ARHGAP10: variants seen among roughly 807,000 people sequenced by gnomAD.
The protein encoded by ARHGAP10 is Rho GTPase activating protein 10.
Under a neutral mutation model 108.6 loss-of-function variants are expected in ARHGAP10, and 87 were observed. The ratio of observed to expected loss-of-function variants is 0.80; its 90% confidence interval spans 0.67 to 0.96. ARHGAP10 has a LOEUF of 0.96. ARHGAP10 is among the 40% of genes least tolerant of loss of function. The pLI is 0.00. For missense variants in ARHGAP10, 939 were observed against 954.5 expected, an observed-to-expected ratio of 0.98 and a Z score of 0.21; for synonymous variants, 347 against 341.1, an observed-to-expected ratio of 1.02 and a Z score of -0.19.
chr4:147,879,631 A>G (rs553361219), intron 9 of ARHGAP10, among the ~76,000 whole-genome samples: 78 of 151,610 alleles, frequency 5.1e-4, no homozygotes, highest in African/African-American at 1.7e-3. Context: ...TGTCATGGTG[A>G]TTTGCTGCAC....
intron 1 of ARHGAP10, among the ~76,000 whole-genome samples, chr4:147,783,002 TA>T (rs1209089970): frequency 7.4e-6 from 1 of 135,206 alleles, no homozygotes; most frequent in Non-Finnish European, 1.6e-5. Context: ...ATATATTATA[TA>T]AATTATATAC....
intron 15 of ARHGAP10, among the ~76,000 whole-genome samples, chr4:147,949,747 C>T (rs1215124639): frequency 6.6e-6 from 1 of 152,184 alleles, no homozygotes; most frequent in Admixed American, 6.5e-5. Flanking sequence ...TTAGTAGACT[C>T]ATAGCTAGTG....
At chr4:148,046,417 C>A (rs1293548660) in intron 19 of ARHGAP10, among the ~76,000 whole-genome samples, 4 of 152,134 alleles carry the variant, frequency 2.6e-5, no homozygotes, top group African/African-American at 9.7e-5. Context: ...AAATTATAAT[C>A]CAAGATACCA....
chr4:147,869,921 T>G (rs887399783), intron 7 of ARHGAP10, among the ~76,000 whole-genome samples: 4 of 152,256 alleles, frequency 2.6e-5, no homozygotes, highest in South Asian at 2.1e-4. Flanking sequence ...ATCTCATTCC[T>G]TGATGTCAGT....
intron 10 of ARHGAP10, among the ~76,000 whole-genome samples, chr4:147,902,316 CTGTTCCCCT>C (rs1560817981): frequency 1.3e-5 from 2 of 152,226 alleles, no homozygotes; most frequent in Admixed American, 1.3e-4. Flanking sequence ...CCTGATCTGG[CTGTTCCCCT>C]ACTAAAAACC....
chr4:147,909,914 C>T lies in ARHGAP10; in HGVS notation c.1162+137C>T, dbSNP rs148826925. ...ACAGAGGGGTATTACACGTAATAAT[C>T]CTCTATTGCATGTGTTCTGTTTTAC... On this transcript the variant is annotated intron_variant, in intron 12 of 22. Transcript: ENST00000336498. 9.8e-3 allele frequency: 7,987 copies of T among 812,462 alleles called. 99 individuals are homozygous for T. Among genetic ancestry groups the T allele is most frequent in the Non-Finnish European group, 0.011 (5,495 of 508,646 alleles). 50.3% of individuals were successfully genotyped at this position (812,462 alleles called of 1,614,324 possible). A position where few individuals can be genotyped will look rare whatever the true frequency, so the allele number is the denominator to read the frequency against.
intron 1 of ARHGAP10, among the ~76,000 whole-genome samples, chr4:147,811,591 A>T (rs964471368): frequency 2.0e-3 from 279 of 137,692 alleles, no homozygotes; most frequent in African/African-American, 6.2e-3. Flanking sequence ...GGCTTTTTTT[A>T]AAAAAAAAAA....
At chr4:147,744,598 G>A (rs1386454657) in intron 1 of ARHGAP10, among the ~76,000 whole-genome samples, 2 of 152,074 alleles carry the variant, frequency 1.3e-5, no homozygotes, top group Admixed American at 1.3e-4. Context: ...GGTGGCAGAA[G>A]AGGAGTCAAG....
At chr4:147,785,664 A>G (rs970606231) in intron 1 of ARHGAP10, among the ~76,000 whole-genome samples, 1 of 152,148 alleles carries the variant, frequency 6.6e-6, no homozygotes. Context: ...TGAAAATACT[A>G]AGCTGCTTGA....
chr4:148,013,560 C>T (rs958456971), intron 18 of ARHGAP10, among the ~76,000 whole-genome samples: 5 of 152,092 alleles, frequency 3.3e-5, no homozygotes, highest in South Asian at 4.2e-4. Context: ...TGGTGGCGGG[C>T]GCCTGTAGTC....
At chr4:148,023,999 A>T (rs903402955) in intron 19 of ARHGAP10, among the ~76,000 whole-genome samples, 1 of 152,246 alleles carries the variant, frequency 6.6e-6, no homozygotes, top group African/African-American at 2.4e-5. Flanking sequence ...TGTTCAGCTA[A>T]TCGTTGCCAC....
intron 1 of ARHGAP10, among the ~76,000 whole-genome samples, chr4:147,811,108 G>T (rs759666369): frequency 1.9e-4 from 29 of 152,196 alleles, no homozygotes; most frequent in Middle Eastern, 3.4e-3. Flanking sequence ...TTCATTTTCA[G>T]TGTTCTGCTA....
chr4:147,737,867 G>A (rs767539101), intron 1 of ARHGAP10, among the ~76,000 whole-genome samples: 84 of 152,286 alleles, frequency 5.5e-4, no homozygotes, highest in Middle Eastern at 6.8e-3. Flanking sequence ...CTTCCCACCA[G>A]GCCACCAGCT....
At chr4:147,936,341 A>G (rs1237042928) in intron 13 of ARHGAP10, among the ~76,000 whole-genome samples, 1 of 11,140 alleles carries the variant, frequency 9.0e-5, no homozygotes, top group African/African-American at 1.9e-4. Flanking sequence ...TTTTTTTTTG[A>G]GATGGAGTCT....
At chr4:147,968,089 G>A (rs1384113766) in intron 18 of ARHGAP10, among the ~76,000 whole-genome samples, 1 of 152,216 alleles carries the variant, frequency 6.6e-6, no homozygotes, top group Non-Finnish European at 1.5e-5. Context: ...GGCAGTTTGT[G>A]TTTGAATTGA....
In ARHGAP10 at chr4:147,918,999, A is replaced by G. The variant is rs553356197; in HGVS notation, c.1228+5860A>G. On this transcript the variant is annotated intron_variant, in intron 13 of 22. Transcript: ENST00000336498. ...AGATTGGACTCATTTTTCCTCTTCT[A>G]CTAAATTCTCTTCTGGCCTCCAATT... is the stretch of plus-strand genomic sequence containing the variant. Among the ~76,000 whole-genome samples, 28 of 152,336 alleles carry G rather than the reference A, an allele frequency of 1.8e-4. No homozygotes were observed. The East Asian group carries it at 5.4e-3, about 29-fold the overall frequency.
At position 147,832,507 on chromosome 4, in the gene ARHGAP10, C is replaced by T. The variant is rs147479325; in HGVS notation, c.312+9550C>T. On this transcript the variant is annotated intron_variant, in intron 3 of 22. Transcript: ENST00000336498. ...GCTAAAATTACAAAAATTAGCCAGT[C>T]GTGGTGGCGGGCACCTGTAATCCTA... 8.6e-5 allele frequency among the ~76,000 whole-genome samples: 13 copies of T among 151,652 alleles called. No homozygotes were observed. The East Asian group carries it at 2.1e-3, about 25-fold the overall frequency.
At chr4:148,006,969 C>G (rs1189469829) in intron 18 of ARHGAP10, among the ~76,000 whole-genome samples, 1 of 152,182 alleles carries the variant, frequency 6.6e-6, no homozygotes, top group Non-Finnish European at 1.5e-5. Flanking sequence ...CAGTACTATA[C>G]TACCTGGATA....
chr4:148,007,194 C>A (rs1248737803), intron 18 of ARHGAP10, among the ~76,000 whole-genome samples: 1 of 152,034 alleles, frequency 6.6e-6, no homozygotes, highest in East Asian at 1.9e-4. Context: ...GTTTATTAAC[C>A]TTTTTTGTGT....
Sources: allele counts gnomAD v4.1 joint callset (sites outside exome capture counted in the v4.1 genomes callset), GRCh38; gene constraint gnomAD v4.1.1; transcripts MANE v1.5; gene names NCBI Gene and HGNC (gene_info 2026-07-23, HGNC 2026-07-21).